Variants in ALG1L2 observed in about 807,000 individuals in gnomAD.
The protein encoded by ALG1L2 is ALG1 chitobiosyldiphosphodolichol beta-mannosyltransferase like 2.
A neutral mutation model predicts 29.0 loss-of-function variants in ALG1L2; 32 were observed. That is an observed-to-expected ratio of 1.10 (90% CI 0.83 to 1.48). The LOEUF (loss-of-function observed/expected upper bound fraction) is 1.48, where lower values mean the gene tolerates loss of function less well. Among genes scored for constraint, ALG1L2 ranks in the 40% most tolerant of loss-of-function variants. The pLI, the probability that ALG1L2 is intolerant of heterozygous loss-of-function variation, is 0.00. For missense variants in ALG1L2, 318 were observed against 274.1 expected, an observed-to-expected ratio of 1.16 and a Z score of -1.13; for synonymous variants, 110 against 109.5, an observed-to-expected ratio of 1.00 and a Z score of -0.03.
intron 1 of ALG1L2, among the ~76,000 whole-genome samples, chr3:130,086,442 G>A (rs1307070126): frequency 4.0e-5 from 6 of 150,620 alleles, no homozygotes; most frequent in Non-Finnish European, 8.9e-5. Flanking sequence ...CAAGGCGGGA[G>A]GATCCCTTGA....
chr3:130,092,126 G>T lies in ALG1L2; in HGVS notation c.157G>T (p.Glu53Ter). Residue 53 changes from glutamate to a stop codon, truncating the protein, a stop_gained, in exon 3 of 8, where the codon GAG becomes TAG. Coordinates refer to ENST00000425059, the MANE Select transcript of ALG1L2 (RefSeq NM_001136152.1). LOFTEE classifies it high-confidence loss of function. ...CTCAGAACCTGAGGACCCAGACACA[G>T]AGCGGTCGGCCTTCACGGAGCGGGA... ...ARSEPEDPDT[E>*]RSAFTERDSG... 1 of 1,613,686 alleles carries T rather than the reference G, an allele frequency of 6.2e-7. No individual in the cohort carries two copies. The highest frequency in any genetic ancestry group is 8.5e-7 in the Non-Finnish European group (1 of 1,179,854).
At chr3:130,094,808 C>A (rs1236614934) in intron 5 of ALG1L2, among the ~76,000 whole-genome samples, 1 of 152,212 alleles carries the variant, frequency 6.6e-6, no homozygotes, top group Admixed American at 6.5e-5. Flanking sequence ...GGGTTGGGGC[C>A]ACTGTTGCCC....
At chr3:130,086,347 G>C (rs1934890608) in intron 1 of ALG1L2, among the ~76,000 whole-genome samples, 1 of 145,844 alleles carries the variant, frequency 6.9e-6, no homozygotes, top group Non-Finnish European at 1.5e-5. Flanking sequence ...TATTCCTGGA[G>C]CGAATGTGGA....
chr3:130,097,093 G>A, intron 6 of ALG1L2, 82 bp from the exon 7 acceptor site: 1 of 1,576,744 alleles, frequency 6.3e-7, no homozygotes, highest in Non-Finnish European at 8.6e-7. Context: ...TGAGCGTGGG[G>A]TGGGTGGGAG....
At chr3:130,088,009 G>C (rs1191448277) in intron 1 of ALG1L2, among the ~76,000 whole-genome samples, 1 of 152,172 alleles carries the variant, frequency 6.6e-6, no homozygotes, top group African/African-American at 2.4e-5. Flanking sequence ...TGACAGGAAA[G>C]TTCTAGGCTG....
intron 1 of ALG1L2, 153 bp from the exon 2 acceptor site, chr3:130,091,108 T>G: frequency 4.3e-6 from 3 of 702,954 alleles, no homozygotes; most frequent in Non-Finnish European, 7.1e-6. Context: ...CCTCAGGTCT[T>G]TAGGGGAAAT....
intron 1 of ALG1L2, among the ~76,000 whole-genome samples, chr3:130,083,415 C>T (rs1477398851): frequency 1.6e-5 from 2 of 128,638 alleles, no homozygotes; most frequent in Admixed American, 8.3e-5. Flanking sequence ...TGCACTCCAG[C>T]CTGGGCAAGA....
chr3:130,094,030 G>A lies in ALG1L2; in HGVS notation c.314-373G>A, dbSNP rs946058316. On this transcript the variant is annotated intron_variant, in intron 4 of 7. Coordinates refer to ENST00000425059, the MANE Select transcript of ALG1L2 (RefSeq NM_001136152.1). ...GCAGGGCAGGGGCGGCTTGGAACCT[G>A]CGCCCTGTGGTTTGGGGGCTGTGCC... 85 of 282,512 alleles carry A rather than the reference G, an allele frequency of 3.0e-4. 1 individual carries two copies. The highest frequency in any genetic ancestry group is 6.2e-5 in the Non-Finnish European group (9 of 144,534). 17.5% of individuals were successfully genotyped at this position (282,512 alleles called of 1,614,324 possible).
At chr3:130,084,949 T>TTTATTTATTTAA in intron 1 of ALG1L2, among the ~76,000 whole-genome samples, 1 of 57,800 alleles carries the variant, frequency 1.7e-5, no homozygotes, top group African/African-American at 6.2e-5. Context: ...TATATATAAT[T>TTTATTTATTTAA]TTATTTATTT....
chr3:130,093,728 C>T (rs559132893), intron 4 of ALG1L2, among the ~76,000 whole-genome samples: 4 of 152,274 alleles, frequency 2.6e-5, no homozygotes, highest in South Asian at 4.1e-4. Flanking sequence ...CCGGCCATGT[C>T]ATTGGTGCCT....
intron 2 of ALG1L2, 31 bp from the exon 3 acceptor site, chr3:130,092,070 C>T (rs758335016): frequency 1.9e-6 from 3 of 1,611,064 alleles, no homozygotes; most frequent in South Asian, 1.1e-5. Context: ...TGCTCTGTGG[C>T]CTCTCACAGG....
chr3:130,094,641 C>A, intron 5 of ALG1L2, 128 bp downstream of exon 5: 1 of 1,079,816 alleles, frequency 9.3e-7, no homozygotes, highest in Non-Finnish European at 1.3e-6. Flanking sequence ...TGGGCTCTAG[C>A]TGAACTCCCG....
chr3:130,098,380 C>A lies in ALG1L2; in HGVS notation c.*125C>A. ...GGACACATAACTCCTGGGCCAGAGG[C>A]TAAAACCCCAGGGCCCCTGCTGTCC... On this transcript the variant is annotated 3_prime_UTR_variant, in exon 8 of 8. Coordinates refer to ENST00000425059, the MANE Select transcript of ALG1L2 (RefSeq NM_001136152.1). 1 of 1,595,646 alleles carries A rather than the reference C, an allele frequency of 6.3e-7. No individual in the cohort carries two copies. The highest frequency in any genetic ancestry group is 8.5e-7 in the Non-Finnish European group (1 of 1,179,232).
chr3:130,098,033 C>T (rs1390681991), intron 7 of ALG1L2, among the ~76,000 whole-genome samples, 190 bp from the exon 8 acceptor site: 1 of 151,624 alleles, frequency 6.6e-6, no homozygotes, highest in Non-Finnish European at 1.5e-5. Context: ...GAAAGTGGGA[C>T]ATACGGGGAA....
chr3:130,082,080 C>A (rs1577323224), intron 1 of ALG1L2, 44 bp downstream of exon 1: 2 of 1,490,028 alleles, frequency 1.3e-6, no homozygotes, highest in Non-Finnish European at 1.8e-6. Flanking sequence ...TGCAGAGAAA[C>A]CCTGGGTTGG....
chr3:130,084,238 G>T (rs1934844572), intron 1 of ALG1L2, among the ~76,000 whole-genome samples: 1 of 151,070 alleles, frequency 6.6e-6, no homozygotes, highest in South Asian at 2.1e-4. Context: ...CAGTAGGATA[G>T]CTCGAGGCCA....
At chr3:130,096,207 T>A in intron 6 of ALG1L2, 44 bp downstream of exon 6, 1 of 1,597,198 alleles carries the variant, frequency 6.3e-7, no homozygotes, top group Non-Finnish European at 8.5e-7. Context: ...GCTTCACAGA[T>A]CCACCGCTGA....
At chr3:130,092,896 G>C (rs1215594416) in intron 3 of ALG1L2, among the ~76,000 whole-genome samples, 1 of 152,014 alleles carries the variant, frequency 6.6e-6, no homozygotes, top group Non-Finnish European at 1.5e-5. Flanking sequence ...TAGGTATGGT[G>C]GTGGGCGCCT....
intron 1 of ALG1L2, among the ~76,000 whole-genome samples, chr3:130,087,936 A>G (rs1413152350): frequency 6.6e-6 from 1 of 152,280 alleles, no homozygotes. Flanking sequence ...AACACACCCC[A>G]AGGTCATTCT....
Sources: gnomAD v4.1 joint callset for allele counts (sites outside exome capture counted in the v4.1 genomes callset) on GRCh38, gnomAD v4.1.1 for gene constraint, MANE v1.5 for transcripts, NCBI Gene and HGNC (gene_info 2026-07-23, HGNC 2026-07-21) for gene names.